Variants in SLX4IP observed in about 807,000 individuals in gnomAD.
SLX4IP encodes protein SLX4IP.
A neutral mutation model predicts 32.9 loss-of-function variants in SLX4IP; 34 were observed. The ratio of observed to expected loss-of-function variants is 1.03; its 90% CI spans 0.79 to 1.38. The LOEUF (loss-of-function observed/expected upper bound fraction) is 1.38. SLX4IP is among the 40% of genes most tolerant of loss of function. The probability of loss-of-function intolerance (pLI) is 0.00; values close to 1 mark genes in which losing one functional copy is unlikely to be tolerated. For synonymous variants in SLX4IP, 172 were observed against 171.7 expected (o/e 1.00, Z -0.01); for missense variants, 444 against 479.0 (o/e 0.93, Z 0.68).
chr20:10,463,727 ACAAAAGATTGTG>A (rs1189388627), intron 2 of SLX4IP, among the ~76,000 whole-genome samples: 16 of 152,354 alleles, frequency 1.1e-4, no homozygotes, highest in African/African-American at 3.6e-4. Context: ...TTCTCAGTAA[ACAAAAGATTGTG>A]CAAGATAGGA....
intron 4 of SLX4IP, among the ~76,000 whole-genome samples, chr20:10,574,963 G>A (rs758462406): frequency 3.9e-5 from 6 of 152,052 alleles, no homozygotes; most frequent in Admixed American, 1.3e-4. Context: ...GTGAGCCACC[G>A]TGCCTGACCG....
At position 10,594,186 on chromosome 20, in the gene SLX4IP, A is replaced by G. The variant is rs192576057; in HGVS notation, c.239-4489A>G. Among the ~76,000 whole-genome samples the G allele has an allele frequency of 1.2e-3, 188 of 152,312 alleles. 1 individual carries two copies. The highest frequency in any genetic ancestry group is 4.3e-3 in the African/African-American group (180 of 41,572). ...GGGATGTTCATGACATTATTTTTCTACTTTTCTGAATGTTTGAAATGTTTC... is the reference window on the plus strand; with the variant it reads ...GGGATGTTCATGACATTATTTTTCTGCTTTTCTGAATGTTTGAAATGTTTC... On this transcript the variant is annotated intron_variant, in intron 4 of 7. Transcript: ENST00000334534.
At chr20:10,541,663 G>A (rs1396892466) in intron 2 of SLX4IP, among the ~76,000 whole-genome samples, 1 of 152,216 alleles carries the variant, frequency 6.6e-6, no homozygotes, top group Admixed American at 6.5e-5. Flanking sequence ...TTATTGGACA[G>A]CAGTGGTCAA....
chr20:10,494,390 A>G (rs1199325960), intron 2 of SLX4IP, among the ~76,000 whole-genome samples: 2 of 150,226 alleles, frequency 1.3e-5, no homozygotes, highest in Non-Finnish European at 3.0e-5. Flanking sequence ...TTATATTTAT[A>G]TTATTATAAG....
chr20:10,568,140 C>T (rs1467727090), intron 4 of SLX4IP, among the ~76,000 whole-genome samples: 2 of 152,184 alleles, frequency 1.3e-5, no homozygotes, highest in African/African-American at 4.8e-5. Flanking sequence ...TTTTGAAAGG[C>T]TTTATCTGTC....
At chr20:10,616,924 C>G (rs543330765) in intron 6 of SLX4IP, among the ~76,000 whole-genome samples, 1 of 152,314 alleles carries the variant, frequency 6.6e-6, no homozygotes, top group African/African-American at 2.4e-5. Context: ...TTGCCAGGTA[C>G]AGAGGTCAAT....
intron 2 of SLX4IP, among the ~76,000 whole-genome samples, chr20:10,474,015 A>G (rs1317581015): frequency 1.3e-5 from 2 of 151,562 alleles, no homozygotes; most frequent in African/African-American, 4.8e-5. Flanking sequence ...TAGAGATGGG[A>G]TTTCACCATG....
rs1171993724 is a variant in SLX4IP at position 10,610,051 on chromosome 20, C to A, written c.405+8232C>A. 2.6e-5 allele frequency among the ~76,000 whole-genome samples: 4 copies of A among 152,254 alleles called. No individual in the cohort carries two copies. The South Asian group carries it at 8.3e-4, about 32-fold the overall frequency. ...AAGTGTTGGCCCAAACCCATAAATT[C>A]TTCAAAATGTCCAAGTTTGTCACAC... is the stretch of plus-strand genomic sequence containing the variant. On this transcript the variant is annotated intron_variant, in intron 6 of 7. Coordinates refer to ENST00000334534, the MANE Select transcript of SLX4IP (RefSeq NM_001009608.3).
intron 4 of SLX4IP, among the ~76,000 whole-genome samples, chr20:10,564,014 G>A (rs1320140957): frequency 6.6e-6 from 1 of 152,198 alleles, no homozygotes; most frequent in Non-Finnish European, 1.5e-5. Context: ...ATTTCTAAAA[G>A]GTATGAGCAT....
At chr20:10,577,053 T>C (rs2066531329) in intron 4 of SLX4IP, among the ~76,000 whole-genome samples, 1 of 152,196 alleles carries the variant, frequency 6.6e-6, no homozygotes, top group Admixed American at 6.5e-5. Flanking sequence ...ATTCTCATTA[T>C]TTACAAGAAT....
chr20:10,600,486 A>G (rs1213534841), intron 5 of SLX4IP, among the ~76,000 whole-genome samples: 1 of 152,200 alleles, frequency 6.6e-6, no homozygotes, highest in Admixed American at 6.5e-5. Flanking sequence ...GTGACTGCCA[A>G]GGAGACAGCA....
chr20:10,452,190 G>C (rs562880188), intron 1 of SLX4IP, among the ~76,000 whole-genome samples: 1 of 152,100 alleles, frequency 6.6e-6, no homozygotes, highest in South Asian at 2.1e-4. Flanking sequence ...ATCCTTGTGA[G>C]CTCTCTTCAT....
At chr20:10,570,923 G>A (rs894424677) in intron 4 of SLX4IP, among the ~76,000 whole-genome samples, 1 of 152,058 alleles carries the variant, frequency 6.6e-6, no homozygotes, top group Non-Finnish European at 1.5e-5. Flanking sequence ...TCAACCACCT[G>A]GGTTCAAGTG....
intron 2 of SLX4IP, among the ~76,000 whole-genome samples, chr20:10,475,125 T>A (rs2065464036): frequency 6.6e-6 from 1 of 152,218 alleles, no homozygotes; most frequent in African/African-American, 2.4e-5. Flanking sequence ...CAGAGTTCCC[T>A]GGAAGCACTG....
intron 2 of SLX4IP, among the ~76,000 whole-genome samples, chr20:10,544,749 G>C (rs1391901320): frequency 2.0e-5 from 3 of 152,074 alleles, no homozygotes; most frequent in Non-Finnish European, 4.4e-5. Context: ...TTGTATTTAT[G>C]ATAAAATGGT....
chr20:10,519,684 G>T (rs1329916036), intron 2 of SLX4IP, among the ~76,000 whole-genome samples: 3 of 152,180 alleles, frequency 2.0e-5, no homozygotes, highest in African/African-American at 7.2e-5. Context: ...ATGCATGTTT[G>T]TGTAAAAGTT....
chr20:10,451,120 T>C (rs1436860805), intron 1 of SLX4IP, among the ~76,000 whole-genome samples: 1 of 152,010 alleles, frequency 6.6e-6, no homozygotes, highest in Non-Finnish European at 1.5e-5. Context: ...TTATTACTCT[T>C]ATTTTAGAAA....
At chr20:10,527,611 C>G (rs1226666166) in intron 2 of SLX4IP, among the ~76,000 whole-genome samples, 1 of 152,126 alleles carries the variant, frequency 6.6e-6, no homozygotes, top group Non-Finnish European at 1.5e-5. Context: ...TTATTGCTTT[C>G]ATTTGTTTCA....
chr20:10,576,198 A>G (rs1453742355), intron 4 of SLX4IP, among the ~76,000 whole-genome samples: 1 of 152,200 alleles, frequency 6.6e-6, no homozygotes, highest in Non-Finnish European at 1.5e-5. Flanking sequence ...TGATCAAAAT[A>G]ATTTTATATT....
Sources: gnomAD v4.1 joint callset for allele counts (sites outside exome capture counted in the v4.1 genomes callset) on GRCh38, gnomAD v4.1.1 for gene constraint, MANE v1.5 for transcripts, NCBI Gene and HGNC (gene_info 2026-07-23, HGNC 2026-07-21) for gene names.